Variants in PPFIA2 observed in about 807,000 individuals in gnomAD.
PPFIA2 encodes the protein PPFI scaffold protein A2, also known as liprin-alpha-2.
A neutral mutation model predicts 175.5 loss-of-function variants in PPFIA2; 46 were observed. The ratio of observed to expected loss-of-function variants is 0.26; its 90% confidence interval spans 0.21 to 0.34. The LOEUF is 0.34. Ranked by LOEUF, PPFIA2 falls within the 10% of genes least tolerant of loss-of-function variation. PPFIA2 has a pLI of 1.00. For missense variants in PPFIA2, 1,179 were observed against 1,506.1 expected (o/e 0.78, Z 3.60); for synonymous variants, 568 against 511.4 (o/e 1.11, Z -1.49).
chr12:81,358,075 G>T lies in PPFIA2; in HGVS notation c.1773+7C>A, dbSNP rs1411836427. 5 of 1,581,476 alleles carry T rather than the reference G, an allele frequency of 3.2e-6. No homozygotes were observed. The highest frequency in any genetic ancestry group is 4.5e-5 in the East Asian group (2 of 44,098). On this transcript the variant is annotated splice_region_variant and intron_variant, in intron 16 of 32. Transcript: ENST00000549396. ...AACTAGAGAAGAGTTGAAGTTAAAA[G>T]ATTAACCTTTGGCTCATCTCTTCGC...
intron 28 of PPFIA2, among the ~76,000 whole-genome samples, chr12:81,275,757 A>T (rs2040335777): frequency 1.3e-5 from 2 of 151,102 alleles, no homozygotes; most frequent in South Asian, 2.1e-4. Context: ...AGCTTTGGTT[A>T]TATTTTCCTT....
intron 24 of PPFIA2, among the ~76,000 whole-genome samples, chr12:81,293,731 G>A (rs2045669334): frequency 6.6e-6 from 1 of 152,094 alleles, no homozygotes; most frequent in African/African-American, 2.4e-5. Flanking sequence ...AGACAGTATG[G>A]AGATTTCTCA....
chr12:81,341,603 T>G (rs2058093350), intron 19 of PPFIA2, among the ~76,000 whole-genome samples: 1 of 152,140 alleles, frequency 6.6e-6, no homozygotes, highest in South Asian at 2.1e-4. Context: ...TTAGCTATCA[T>G]TAGTGTTAGA....
At position 81,299,339 on chromosome 12, in the gene PPFIA2, C is replaced by T; in HGVS notation, c.2686G>A (p.Ala896Thr). The change falls in exon 23 of 33, where the codon GCC becomes ACC. Residue 896 changes from alanine to threonine, a missense_variant. By Grantham distance (58) the Ala-to-Thr change is moderately conservative. Around this residue, in one of 10 missense-constraint regions of PPFIA2, gnomAD observed 44 missense variants for 81.3 expected, o/e 0.54. Coordinates refer to ENST00000549396, the MANE Select transcript of PPFIA2 (RefSeq NM_003625.5). ...ACCACAGTTGGCCCATCCCACTGGG[C>T]AAAAGGTAATCCCTTTCTCCGAGCT... ...EEARRKGLPFAQWDGPTVVAW... is the reference protein window; with the variant it reads ...EEARRKGLPFTQWDGPTVVAW... 6.3e-7 allele frequency: 1 copy of T among 1,597,026 alleles called. No individual in the cohort carries two copies. The highest frequency in any genetic ancestry group is 8.5e-7 in the Non-Finnish European group (1 of 1,171,082).
intron 11 of PPFIA2, among the ~76,000 whole-genome samples, chr12:81,373,778 C>T (rs1238132357): frequency 1.3e-5 from 2 of 151,912 alleles, no homozygotes; most frequent in African/African-American, 4.8e-5. Context: ...ATCCTAATCC[C>T]GTAATTTTAA....
Position 81,532,804 on chromosome 12 carries a change from A to G in PPFIA2, c.304-74938T>C, listed in dbSNP as rs139305052. On this transcript the variant is annotated intron_variant, in intron 4 of 32. Coordinates refer to ENST00000549396, the MANE Select transcript of PPFIA2 (RefSeq NM_003625.5). Reference sequence around the variant, plus strand: ...TCTTATTTGTTTCTTTGTTTTCCTCATGCCATAACCTCCTTCTCTTAAGCA... The same window carrying G: ...TCTTATTTGTTTCTTTGTTTTCCTCGTGCCATAACCTCCTTCTCTTAAGCA... 1.2e-4 allele frequency among the ~76,000 whole-genome samples: 18 copies of G among 151,810 alleles called. 1 individual carries two copies. The highest frequency in any genetic ancestry group is 4.3e-4 in the African/African-American group (18 of 41,486).
rs368789875 is a variant in PPFIA2 at position 81,646,646 on chromosome 12, G to A, written c.303+30145C>T. 2.0e-4 allele frequency among the ~76,000 whole-genome samples: 31 copies of A among 152,226 alleles called. No homozygotes were observed. In the East Asian group the frequency reaches 2.1e-3, roughly 10 times the overall value. On this transcript the variant is annotated intron_variant, in intron 4 of 32. Transcript: ENST00000549396. Reference sequence around the variant, plus strand: ...TACTCATACAAATTATAACATAGGCGCAGTCCATAAAAGGAAGAATTTTAA... The same window carrying A: ...TACTCATACAAATTATAACATAGGCACAGTCCATAAAAGGAAGAATTTTAA...
chr12:81,370,664 G>T (rs2034848110), intron 11 of PPFIA2, among the ~76,000 whole-genome samples: 1 of 151,846 alleles, frequency 6.6e-6, no homozygotes, highest in Non-Finnish European at 1.5e-5. Flanking sequence ...TTTGCCCAGT[G>T]CCAAGGTTAG....
rs34245260 is a variant in PPFIA2 at position 81,306,541 on chromosome 12, GTT to G, written c.2643-7161_2643-7160del. ...TGTTTGTTTGTTTGTTTGTTTCGTT[GTT>G]TTTTTTTTTTTTTTTTTGGCAGAGT... On this transcript the variant is annotated intron_variant, in intron 22 of 32. Transcript: ENST00000549396. Among the ~76,000 whole-genome samples the G allele has an allele frequency of 8.8e-3, 938 of 107,186 alleles. 4 individuals carry two copies. Among genetic ancestry groups the G allele is most frequent in the African/African-American group, 0.026 (777 of 29,966 alleles). 70.3% of individuals were successfully genotyped at this position (107,186 alleles called of 152,430 possible).
At chr12:81,325,891 GT>G in intron 21 of PPFIA2, 21 bp from the exon 22 acceptor site, 1 of 1,538,338 alleles carries the variant, frequency 6.5e-7, no homozygotes, top group Admixed American at 1.7e-5. Flanking sequence ...AAGTAACTAA[GT>G]ATTCAGATTA....
intron 3 of PPFIA2, among the ~76,000 whole-genome samples, chr12:81,702,440 T>A (rs1269068098): frequency 1.3e-5 from 2 of 152,180 alleles, no homozygotes; most frequent in Non-Finnish European, 2.9e-5. Flanking sequence ...GAAATCAATC[T>A]TGTCTATATC....
At chr12:81,739,498 G>T (rs985553740) in intron 3 of PPFIA2, among the ~76,000 whole-genome samples, 2 of 151,832 alleles carry the variant, frequency 1.3e-5, no homozygotes, top group Non-Finnish European at 2.9e-5. Flanking sequence ...ATTTAGAACT[G>T]ATTTTATCTC....
At chr12:81,694,449 G>A (rs967758580) in intron 3 of PPFIA2, among the ~76,000 whole-genome samples, 7 of 152,148 alleles carry the variant, frequency 4.6e-5, no homozygotes, top group African/African-American at 1.7e-4. Flanking sequence ...TACTGATAGT[G>A]CAAAAGCCAC....
At chr12:81,708,267 T>C (rs2077470382) in intron 3 of PPFIA2, among the ~76,000 whole-genome samples, 1 of 152,018 alleles carries the variant, frequency 6.6e-6, no homozygotes, top group African/African-American at 2.4e-5. Context: ...ATGTTTTTAA[T>C]TGGAAGAAAA....
chr12:81,366,828 A>G (rs1371524773), intron 14 of PPFIA2, among the ~76,000 whole-genome samples: 1 of 151,822 alleles, frequency 6.6e-6, no homozygotes, highest in Admixed American at 6.6e-5. Flanking sequence ...TAATGTTATA[A>G]GTCAAGATAG....
intron 3 of PPFIA2, among the ~76,000 whole-genome samples, chr12:81,722,408 T>A: frequency 6.6e-6 from 1 of 151,326 alleles, no homozygotes; most frequent in African/African-American, 2.4e-5. Context: ...TTAAATGTAC[T>A]TATTACTAGT....
intron 4 of PPFIA2, among the ~76,000 whole-genome samples, chr12:81,593,250 G>A (rs985951598): frequency 6.6e-6 from 1 of 151,786 alleles, no homozygotes; most frequent in African/African-American, 2.4e-5. Context: ...CCTCAAAAAG[G>A]CTTTGGCTAG....
chr12:81,303,210 C>T (rs1489751457), intron 22 of PPFIA2, among the ~76,000 whole-genome samples: 1 of 152,124 alleles, frequency 6.6e-6, no homozygotes, highest in African/African-American at 2.4e-5. Flanking sequence ...TCACTTACCC[C>T]AGTACAAATT....
intron 3 of PPFIA2, among the ~76,000 whole-genome samples, chr12:81,706,202 T>G (rs2153607899): frequency 6.6e-6 from 1 of 152,246 alleles, no homozygotes; most frequent in East Asian, 1.9e-4. Context: ...GTTTGCAAAA[T>G]TCTTTCTAAA....
Sources: gnomAD v4.1 joint callset for allele counts (sites outside exome capture counted in the v4.1 genomes callset) on GRCh38, gnomAD v4.1.1 for gene constraint, gnomAD v4.1.1 regional missense constraint, MANE v1.5 for transcripts, NCBI Gene and HGNC (gene_info 2026-07-23, HGNC 2026-07-21) for gene names.